GRHL2: variants seen among roughly 807,000 people sequenced by gnomAD.
The protein encoded by GRHL2 is grainyhead like transcription factor 2.
In GRHL2, 21 loss-of-function variants were observed where a neutral mutation model predicts 83.8. That is an observed-to-expected ratio of 0.25 (90% CI 0.18 to 0.36). The LOEUF is 0.36. Among genes scored for constraint, GRHL2 ranks in the 10% least tolerant of loss-of-function variants. The pLI is 1.00. For missense variants in GRHL2, 623 were observed against 781.8 expected (o/e 0.80, Z 2.42); for synonymous variants, 280 against 278.9 (o/e 1.00, Z -0.04).
intron 12 of GRHL2, among the ~76,000 whole-genome samples, chr8:101,641,727 C>T (rs1813405135): frequency 6.6e-6 from 1 of 152,112 alleles, no homozygotes; most frequent in Admixed American, 6.5e-5. Flanking sequence ...AGAAAGCACC[C>T]TTTTCTTGCT....
chr8:101,520,011 A>T (rs1453729402), intron 1 of GRHL2, among the ~76,000 whole-genome samples: 1 of 152,194 alleles, frequency 6.6e-6, no homozygotes, highest in Non-Finnish European at 1.5e-5. Context: ...ATTGGCTTTT[A>T]TTATTTCCAG....
chr8:101,524,268 TGTTA>T (rs1238900981), intron 1 of GRHL2, among the ~76,000 whole-genome samples: 1 of 152,224 alleles, frequency 6.6e-6, no homozygotes, highest in East Asian at 1.9e-4. Flanking sequence ...TTTGCCAGTT[TGTTA>T]GTTTTCTTTG....
Position 101,664,435 on chromosome 8 carries a change from C to T in GRHL2, c.1699-19C>T. ...GCGTCCTTCTGTGCTCATCTGCCTT[C>T]TTGTTATTGGTATTACAGATATCTG... On this transcript the variant is annotated intron_variant, in intron 14 of 15. Transcript: ENST00000646743. 6.2e-7 allele frequency: 1 copy of T among 1,605,134 alleles called. No homozygotes were observed. The highest frequency in any genetic ancestry group is 2.2e-5 in the East Asian group (1 of 44,816).
chr8:101,531,326 T>G (rs1306756203), intron 1 of GRHL2, among the ~76,000 whole-genome samples: 1 of 152,046 alleles, frequency 6.6e-6, no homozygotes, highest in Non-Finnish European at 1.5e-5. Flanking sequence ...CTATTCTCAA[T>G]TTACTCATCT....
intron 1 of GRHL2, among the ~76,000 whole-genome samples, chr8:101,519,492 G>A (rs1161261044): frequency 6.6e-6 from 1 of 151,724 alleles, no homozygotes; most frequent in East Asian, 1.9e-4. Flanking sequence ...TCAGACTCCT[G>A]GGTTTAAGCA....
intron 4 of GRHL2, among the ~76,000 whole-genome samples, chr8:101,566,988 T>C (rs1727801708): frequency 6.6e-6 from 1 of 152,280 alleles, no homozygotes; most frequent in Non-Finnish European, 1.5e-5. Flanking sequence ...GTTCAATAAA[T>C]ATTTATTGAA....
At chr8:101,581,938 C>CA (rs368908029) in intron 7 of GRHL2, among the ~76,000 whole-genome samples, 129 of 152,146 alleles carry the variant, frequency 8.5e-4, no homozygotes, top group African/African-American at 2.9e-3. Context: ...GTAATCAAGA[C>CA]AAAAAAAGTG....
At chr8:101,643,169 G>C (rs559594640) in intron 12 of GRHL2, among the ~76,000 whole-genome samples, 3 of 152,088 alleles carry the variant, frequency 2.0e-5, no homozygotes, top group Non-Finnish European at 4.4e-5. Context: ...ATATTTTTGG[G>C]ATTTCAACAT....
At chr8:101,671,338 A>T (rs1022601153), downstream of GRHL2, among the ~76,000 whole-genome samples, 6 of 152,240 alleles carry the variant, frequency 3.9e-5, no homozygotes, top group African/African-American at 1.2e-4. Context: ...CAATGGGCTT[A>T]AAAAATGGCA....
rs148523911 is a variant in GRHL2 at position 101,631,848 on chromosome 8, C to T, written c.1345+124C>T. 1,129 of 800,682 alleles carry T rather than the reference C, an allele frequency of 1.4e-3. 11 individuals carry two copies. The African/African-American group carries it at 0.015, about 10-fold the overall frequency. 49.6% of individuals were successfully genotyped at this position (800,682 alleles called of 1,614,324 possible). A position where few individuals can be genotyped will look rare whatever the true frequency, so the allele number is the denominator to read the frequency against. On this transcript the variant is annotated intron_variant, in intron 10 of 15. Coordinates refer to ENST00000646743, the MANE Select transcript of GRHL2 (RefSeq NM_024915.4). ...ATACATGCAAGGCATGGTTTGCTTT[C>T]CCCTGGCAGTGGAGACAGGGTGATT...
intron 7 of GRHL2, among the ~76,000 whole-genome samples, chr8:101,598,277 G>A (rs1292776390): frequency 7.5e-6 from 1 of 133,630 alleles, no homozygotes; most frequent in Non-Finnish European, 1.5e-5. Flanking sequence ...GTCTCACTCT[G>A]TCACCCAGGC....
downstream of GRHL2, among the ~76,000 whole-genome samples, chr8:101,670,676 A>G (rs1441956288): frequency 1.3e-5 from 2 of 152,170 alleles, no homozygotes. Context: ...CTCCTGAGGC[A>G]GCCTCCCCCT....
rs1222661267 is a variant in GRHL2, at chr8:101,666,595, G to A, written c.1770G>A (p.Leu590=). 2 of 1,598,638 alleles carry A rather than the reference G, an allele frequency of 1.3e-6. No homozygotes were observed. The highest frequency in any genetic ancestry group is 3.3e-5 in the Admixed American group (2 of 59,992). ...KLYKKSKKGI[L]VNMDDNIIEH... ...CCTCCCCCCTCCATGGCAGCATCTT[G>A]GTGAACATGGATGACAACATCATCG... is the stretch of plus-strand genomic sequence containing the variant. The change falls in exon 16 of 16, where the codon TTG becomes TTA. Residue 590 remains leucine, a synonymous_variant. Coordinates refer to ENST00000646743, the MANE Select transcript of GRHL2 (RefSeq NM_024915.4).
At chr8:101,541,749 C>T (rs1191513131) in intron 1 of GRHL2, among the ~76,000 whole-genome samples, 7 of 152,114 alleles carry the variant, frequency 4.6e-5, no homozygotes, top group African/African-American at 1.7e-4. Flanking sequence ...GCCGAGCACC[C>T]AGCAGGGGAA....
rs991886472 is a variant in GRHL2, at chr8:101,619,528, C to G, written c.1099-11C>G. On this transcript the variant is annotated splice_polypyrimidine_tract_variant and intron_variant, in intron 8 of 15. Coordinates refer to ENST00000646743, the MANE Select transcript of GRHL2 (RefSeq NM_024915.4). Reference sequence around the variant, plus strand: ...GTTGACTTGTGAACTTTTTCTTTCTCTTTCCCTCAGATTTTCATCACCGTG... The same window carrying G: ...GTTGACTTGTGAACTTTTTCTTTCTGTTTCCCTCAGATTTTCATCACCGTG... 8.7e-6 allele frequency: 14 copies of G among 1,613,268 alleles called. No homozygotes were observed. The highest frequency in any genetic ancestry group is 1.6e-4 in the Middle Eastern group (1 of 6,078).
intron 15 of GRHL2, 128 bp downstream of exon 15, chr8:101,664,646 C>A: frequency 1.4e-6 from 1 of 713,902 alleles, no homozygotes; most frequent in Non-Finnish European, 2.5e-6. Flanking sequence ...TGTCCTTCTT[C>A]CAGAGAATTG....
In GRHL2 at chr8:101,644,173, G is replaced by C; in HGVS notation, c.1560G>C (p.Glu520Asp). 6.2e-7 allele frequency: 1 copy of C among 1,614,194 alleles called. No individual in the cohort carries two copies. Among genetic ancestry groups the C allele is most frequent in the Middle Eastern group, 1.6e-4 (1 of 6,062 alleles). Reference sequence around the variant, plus strand: ...AACGGATGTTCCGGCCCATGGAAGAGGAGTTTGGTCCAGTGCCTTCAAAGC... The same window carrying C: ...AACGGATGTTCCGGCCCATGGAAGACGAGTTTGGTCCAGTGCCTTCAAAGC... ...LVKRMFRPMEEEFGPVPSKQM... is the reference protein window; with the variant it reads ...LVKRMFRPMEDEFGPVPSKQM... The change falls in exon 13 of 16, where the codon GAG (glutamate) becomes GAC (aspartate). Residue 520 changes from glutamate to aspartate, a missense_variant. Transcript: ENST00000646743.
At chr8:101,592,864 G>A (rs192512445) in intron 7 of GRHL2, among the ~76,000 whole-genome samples, 1 of 152,224 alleles carries the variant, frequency 6.6e-6, no homozygotes, top group East Asian at 1.9e-4. Context: ...CTATATCTCT[G>A]GCAGCACATG....
chr8:101,601,840 G>C (rs759016654), intron 8 of GRHL2, among the ~76,000 whole-genome samples: 1 of 152,202 alleles, frequency 6.6e-6, no homozygotes, highest in Non-Finnish European at 1.5e-5. Flanking sequence ...AGTGCAGAAC[G>C]TGTAGGTTTG....
Sources: allele counts gnomAD v4.1 joint callset (sites outside exome capture counted in the v4.1 genomes callset), GRCh38; gene constraint gnomAD v4.1.1; transcripts MANE v1.5; gene names NCBI Gene and HGNC (gene_info 2026-07-23, HGNC 2026-07-21).